The following ADRA1B variants were observed in gnomAD, a reference collection of about 807,000 sequenced individuals.
ADRA1B encodes adrenoceptor alpha 1B.
Under a neutral mutation model 17.9 loss-of-function variants are expected in ADRA1B, and 17 were observed. The observed-to-expected ratio is 0.95, with a 90% CI of 0.65 to 1.42. ADRA1B has a LOEUF of 1.42. Ranked by LOEUF, ADRA1B falls within the 40% of genes most tolerant of loss-of-function variation. The probability of loss-of-function intolerance (pLI) is 0.00; values close to 1 mark genes in which losing one functional copy is unlikely to be tolerated. For missense variants in ADRA1B, 681 were observed against 722.1 expected, an observed-to-expected ratio of 0.94 and a Z score of 0.65; for synonymous variants, 366 against 327.6, an observed-to-expected ratio of 1.12 and a Z score of -1.27.
downstream of ADRA1B, among the ~76,000 whole-genome samples, chr5:159,976,581 G>A (rs901317870): frequency 1.2e-4 from 18 of 150,422 alleles, no homozygotes; most frequent in African/African-American, 4.2e-4. Flanking sequence ...GCAGGTAATC[G>A]CCTGAACCTG....
At chr5:159,948,101 G>C in intron 1 of ADRA1B, 1 of 985,428 alleles carries the variant, frequency 1.0e-6, no homozygotes, top group Non-Finnish European at 1.2e-6. Context: ...ATAGCTGAAA[G>C]TCTCTGTACC....
intron 1 of ADRA1B, among the ~76,000 whole-genome samples, chr5:159,891,399 T>C (rs997413998): frequency 1.3e-5 from 2 of 152,166 alleles, no homozygotes; most frequent in Non-Finnish European, 2.9e-5. Context: ...TCAATGCCAT[T>C]GGTTAAGACC....
intron 1 of ADRA1B, among the ~76,000 whole-genome samples, chr5:159,875,730 T>G (rs1392507745): frequency 6.6e-6 from 1 of 152,184 alleles, no homozygotes; most frequent in Non-Finnish European, 1.5e-5. Flanking sequence ...AGTTCCAGTT[T>G]TGCATAGTTC....
chr5:159,933,015 T>C (rs1754857870), intron 1 of ADRA1B, among the ~76,000 whole-genome samples: 1 of 152,324 alleles, frequency 6.6e-6, no homozygotes, highest in African/African-American at 2.4e-5. Flanking sequence ...TCTGAGTAAA[T>C]GTTTTCATGT....
At chr5:159,884,080 G>A (rs1199685269) in intron 1 of ADRA1B, among the ~76,000 whole-genome samples, 1 of 152,186 alleles carries the variant, frequency 6.6e-6, no homozygotes, top group Non-Finnish European at 1.5e-5. Flanking sequence ...AGCAGCCTTT[G>A]TTATGGCCTA....
chr5:159,955,237 A>T (rs1755530325), intron 1 of ADRA1B: 1 of 977,916 alleles, frequency 1.0e-6, no homozygotes, highest in Admixed American at 6.2e-5. Flanking sequence ...CAAGGAAGGT[A>T]TGAGTCCCAT....
chr5:159,909,351 T>G (rs565566643), intron 1 of ADRA1B, among the ~76,000 whole-genome samples: 1 of 152,338 alleles, frequency 6.6e-6, no homozygotes, highest in Non-Finnish European at 1.5e-5. Flanking sequence ...GGGCCTGGTC[T>G]GTCCTCTCCA....
intron 1 of ADRA1B, among the ~76,000 whole-genome samples, chr5:159,894,838 G>GAAA (rs761281270): frequency 1.8e-4 from 28 of 152,098 alleles, no homozygotes; most frequent in Non-Finnish European, 3.7e-4. Context: ...CAAGGAAAAG[G>GAAA]AGAACTACTA....
At position 159,897,742 on chromosome 5, in the gene ADRA1B, T is replaced by C. The variant is rs562560248; in HGVS notation, c.-255-18377T>C. Among the ~76,000 whole-genome samples the C allele has an allele frequency of 4.6e-5, 7 of 152,314 alleles. No homozygotes were observed. The South Asian group carries it at 1.4e-3, about 32-fold the overall frequency. ...CAAGATGGTGCTTCCAGAATCCCAG[T>C]GCCCTCATCTGTAAAATTAAGAGTC... On this transcript the variant is annotated intron_variant, in intron 1 of 2. Coordinates refer to the ADRA1B transcript ENST00000641205.
chr5:159,917,730 C>T lies in ADRA1B; in HGVS notation c.825C>T (p.Pro275=). ...GTACCAAGGCCAAGGGCCACAACCC[C>T]AGGAGTTCCATAGCTGTCAAACTTT... is the stretch of plus-strand genomic sequence containing the variant. ...LSSTKAKGHN[P]RSSIAVKLFK... Residue 275 remains proline (P), a synonymous_variant, in exon 1 of 2, where the codon CCC becomes CCT. Transcript: ENST00000306675. 6.2e-7 allele frequency: 1 copy of T among 1,614,106 alleles called. No individual in the cohort carries two copies. Among genetic ancestry groups the T allele is most frequent in the Non-Finnish European group, 8.5e-7 (1 of 1,180,026 alleles).
At chr5:159,933,697 GA>G (rs1172910922) in intron 1 of ADRA1B, among the ~76,000 whole-genome samples, 3 of 152,196 alleles carry the variant, frequency 2.0e-5, no homozygotes, top group Non-Finnish European at 2.9e-5. Context: ...CAGGAGCTAA[GA>G]AAAAAAAGCA....
At position 159,949,005 on chromosome 5, in the gene ADRA1B, T is replaced by C. The variant is rs79998574; in HGVS notation, c.950-22874T>C. On this transcript the variant is annotated intron_variant, in intron 1 of 1. Transcript: ENST00000306675. ...GTTAAGTAACTTACCCACAGTGACATAGATAATAAGTAGTGATGTTAAAAT... is the reference window on the plus strand; with the variant it reads ...GTTAAGTAACTTACCCACAGTGACACAGATAATAAGTAGTGATGTTAAAAT... Among the ~76,000 whole-genome samples the C allele has an allele frequency of 8.5e-3, 1,292 of 152,276 alleles. 20 individuals are homozygous for C. Among genetic ancestry groups the C allele is most frequent in the African/African-American group, 0.029 (1,209 of 41,544 alleles).
intron 1 of ADRA1B, among the ~76,000 whole-genome samples, chr5:159,908,767 A>G (rs1263915101): frequency 6.6e-6 from 1 of 152,270 alleles, no homozygotes; most frequent in Admixed American, 6.5e-5. Context: ...TGCTGCATGC[A>G]TAACTGCACT....
chr5:159,928,144 G>A (rs921579916), intron 1 of ADRA1B, among the ~76,000 whole-genome samples: 1 of 152,184 alleles, frequency 6.6e-6, no homozygotes, highest in African/African-American at 2.4e-5. Context: ...TCTTCAGAAT[G>A]CAGAGGAGAC....
the ADRA1B span, among the ~76,000 whole-genome samples, chr5:159,982,868 GAATGA>G: frequency 6.6e-6 from 1 of 152,278 alleles, no homozygotes; most frequent in South Asian, 2.1e-4. Flanking sequence ...GCAGAAATAT[GAATGA>G]ATATCACAAA....
chr5:159,900,076 A>C (rs1290401567), intron 1 of ADRA1B, among the ~76,000 whole-genome samples: 4 of 152,210 alleles, frequency 2.6e-5, no homozygotes, highest in Middle Eastern at 3.2e-3. Context: ...TAAATAGTCT[A>C]TTCTAGTCCA....
intron 1 of ADRA1B, among the ~76,000 whole-genome samples, chr5:159,892,879 T>G (rs1437815736): frequency 6.6e-6 from 1 of 152,222 alleles, no homozygotes; most frequent in Non-Finnish European, 1.5e-5. Flanking sequence ...CAAATGGTAT[T>G]TCTACCTTTA....
chr5:159,865,228 G>C (rs1753639014), intron 1 of ADRA1B: 1 of 152,148 alleles, frequency 6.6e-6, no homozygotes, highest in Non-Finnish European at 1.5e-5. Context: ...ACTATTAGCT[G>C]ACTGCAGTCA....
downstream of ADRA1B, among the ~76,000 whole-genome samples, chr5:159,974,958 G>C (rs1426477461): frequency 1.3e-5 from 2 of 152,152 alleles, no homozygotes; most frequent in East Asian, 3.9e-4. Context: ...ACATTCCCCT[G>C]TGCTTTGTCC....
Sources: allele counts gnomAD v4.1 joint callset (sites outside exome capture counted in the v4.1 genomes callset), GRCh38; gene constraint gnomAD v4.1.1; transcripts MANE v1.5; gene names NCBI Gene and HGNC (gene_info 2026-07-23, HGNC 2026-07-21).